JAZF1: variants seen among roughly 807,000 people sequenced by gnomAD.
The protein encoded by JAZF1 is juxtaposed with another zinc finger protein 1.
In JAZF1, 8 loss-of-function variants were observed where a neutral mutation model predicts 26.4. That is an observed-to-expected ratio of 0.30 (90% CI 0.18 to 0.55). JAZF1 has a LOEUF of 0.55. JAZF1 is among the 20% of genes least tolerant of loss of function. The pLI is 0.94. For missense variants in JAZF1, 199 were observed against 322.0 expected (o/e 0.62, Z 2.92); for synonymous variants, 126 against 122.3 (o/e 1.03, Z -0.20).
chr7:28,136,196 A>G (rs1020640857), intron 1 of JAZF1, among the ~76,000 whole-genome samples: 1 of 152,132 alleles, frequency 6.6e-6, no homozygotes, highest in Admixed American at 6.5e-5. Context: ...TTATTATCTC[A>G]AATAACTCTC....
At chr7:27,904,776 G>A (rs1038468442) in intron 2 of JAZF1, among the ~76,000 whole-genome samples, 4 of 152,232 alleles carry the variant, frequency 2.6e-5, no homozygotes, top group African/African-American at 9.6e-5. Flanking sequence ...GATCAGTTTG[G>A]CACTTAACTT....
At chr7:27,919,936 G>GTTTACTCTGTGTGCAAGCAA (rs1315767191) in intron 2 of JAZF1, among the ~76,000 whole-genome samples, 2 of 152,154 alleles carry the variant, frequency 1.3e-5, no homozygotes, top group African/African-American at 4.8e-5. Flanking sequence ...TGTGCAAGTT[G>GTTTACTCTGTGTGCAAGCAA]TATTACTGCT....
At chr7:27,904,777 C>T (rs897066108) in intron 2 of JAZF1, among the ~76,000 whole-genome samples, 30 of 152,170 alleles carry the variant, frequency 2.0e-4, no homozygotes, top group Non-Finnish European at 5.9e-5. Flanking sequence ...ATCAGTTTGG[C>T]ACTTAACTTG....
intron 3 of JAZF1, among the ~76,000 whole-genome samples, chr7:27,859,309 A>AG (rs1783332635): frequency 6.6e-6 from 1 of 152,244 alleles, no homozygotes. Flanking sequence ...TGTGGAAGAC[A>AG]GTGTGGTGAT....
chr7:27,939,326 G>GC (rs1156668821), intron 2 of JAZF1, among the ~76,000 whole-genome samples: 1 of 152,236 alleles, frequency 6.6e-6, no homozygotes, highest in Non-Finnish European at 1.5e-5. Context: ...GGAAATCACA[G>GC]CTGGGGGTGG....
chr7:28,101,556 A>C (rs1432489357), intron 1 of JAZF1, among the ~76,000 whole-genome samples: 1 of 144,766 alleles, frequency 6.9e-6, no homozygotes, highest in Non-Finnish European at 1.5e-5. Context: ...TGGACAGCAT[A>C]ATGAGACTCA....
At chr7:27,963,618 G>A (rs1459798797) in intron 2 of JAZF1, among the ~76,000 whole-genome samples, 1 of 142,684 alleles carries the variant, frequency 7.0e-6, no homozygotes, top group African/African-American at 2.7e-5. Context: ...CTGGAGTGCA[G>A]TGGTGCAATC....
chr7:28,132,631 C>G (rs1782814278), intron 1 of JAZF1, among the ~76,000 whole-genome samples: 1 of 151,976 alleles, frequency 6.6e-6, no homozygotes. Flanking sequence ...TAATGATGAC[C>G]CTTCATCATT....
At chr7:28,058,979 T>A (rs139932107) in intron 1 of JAZF1, among the ~76,000 whole-genome samples, 1 of 152,246 alleles carries the variant, frequency 6.6e-6, no homozygotes, top group African/African-American at 2.4e-5. Context: ...CCAATTAGAG[T>A]GACAAAGAAA....
intron 2 of JAZF1, among the ~76,000 whole-genome samples, chr7:27,898,152 G>A (rs141525931): frequency 4.4e-4 from 67 of 152,138 alleles, no homozygotes; most frequent in African/African-American, 1.4e-3. Flanking sequence ...GAGCACACAC[G>A]TGCCTCGTGT....
intron 1 of JAZF1, among the ~76,000 whole-genome samples, chr7:28,139,764 G>A (rs371036161): frequency 2.8e-4 from 42 of 152,260 alleles, no homozygotes; most frequent in Non-Finnish European, 4.3e-4. Flanking sequence ...TCAATAATTC[G>A]TTCATTTAAT....
chr7:27,895,595 T>C (rs1784049295), intron 2 of JAZF1, among the ~76,000 whole-genome samples, 179 bp from the exon 3 acceptor site: 1 of 152,180 alleles, frequency 6.6e-6, no homozygotes, highest in South Asian at 2.1e-4. Context: ...ATCTTCTAGC[T>C]TGTTATTTTT....
chr7:27,932,702 A>G (rs1347042045), intron 2 of JAZF1, among the ~76,000 whole-genome samples: 1 of 152,228 alleles, frequency 6.6e-6, no homozygotes, highest in East Asian at 1.9e-4. Flanking sequence ...AAAGTCTTTC[A>G]AGATGTGAAA....
chr7:28,022,367 C>T (rs1463678030), intron 1 of JAZF1, among the ~76,000 whole-genome samples: 2 of 152,160 alleles, frequency 1.3e-5, no homozygotes, highest in Non-Finnish European at 2.9e-5. Context: ...CAGTTGGCAC[C>T]ACCTTTTCCT....
chr7:28,131,654 G>A (rs1428876893), intron 1 of JAZF1, among the ~76,000 whole-genome samples: 1 of 152,050 alleles, frequency 6.6e-6, no homozygotes, highest in Non-Finnish European at 1.5e-5. Context: ...ACCAAAATAA[G>A]CACTTCTCAA....
chr7:27,956,484 C>A (rs961148494), intron 2 of JAZF1, among the ~76,000 whole-genome samples: 2 of 152,208 alleles, frequency 1.3e-5, no homozygotes, highest in African/African-American at 4.8e-5. Context: ...GCCCTTGAAC[C>A]TCATGACTTG....
chr7:27,916,963 G>A (rs890719346), intron 2 of JAZF1, among the ~76,000 whole-genome samples: 4 of 152,198 alleles, frequency 2.6e-5, no homozygotes, highest in Admixed American at 1.3e-4. Context: ...ACTAGGCCTG[G>A]CACAATGGCT....
At chr7:27,838,555 G>A (rs1782860946) in intron 4 of JAZF1, among the ~76,000 whole-genome samples, 1 of 152,190 alleles carries the variant, frequency 6.6e-6, no homozygotes, top group African/African-American at 2.4e-5. Flanking sequence ...GAACAAATGA[G>A]GTGGTAGCAC....
chr7:28,096,041 G>A lies in JAZF1; in HGVS notation c.115+84422C>T, dbSNP rs1784378808. ...AAGGCTCCATCTCCAAATATCCTGG[G>A]GGTTAGGGCTTCAACATATGAAATT... On this transcript the variant is annotated intron_variant, in intron 1 of 4. Coordinates refer to ENST00000283928, the MANE Select transcript of JAZF1 (RefSeq NM_175061.4). Among the ~76,000 whole-genome samples, 4 of 152,136 alleles carry A rather than the reference G, an allele frequency of 2.6e-5. No individual in the cohort carries two copies. In the South Asian group the frequency reaches 8.3e-4, roughly 31 times the overall value.
Sources: gnomAD v4.1 joint callset for allele counts (sites outside exome capture counted in the v4.1 genomes callset) on GRCh38, gnomAD v4.1.1 for gene constraint, MANE v1.5 for transcripts, NCBI Gene and HGNC (gene_info 2026-07-23, HGNC 2026-07-21) for gene names.